The following ECI2 variants were observed in gnomAD, a reference collection of about 807,000 sequenced individuals.
ECI2 encodes the protein enoyl-CoA delta isomerase 2, also known as D3,D2-enoyl-CoA isomerase.
Under a neutral mutation model 38.4 loss-of-function variants are expected in ECI2, and 27 were observed. The ratio of observed to expected loss-of-function variants is 0.70; its 90% CI spans 0.52 to 0.97. ECI2 has a LOEUF of 0.97. ECI2 is among the 50% of genes least tolerant of loss of function. The pLI is 0.00. For missense variants in ECI2, 470 were observed against 474.4 expected, an observed-to-expected ratio of 0.99 and a Z score of 0.09; for synonymous variants, 168 against 172.0, an observed-to-expected ratio of 0.98 and a Z score of 0.18.
rs922101815 is a variant in ECI2 at position 4,130,482 on chromosome 6, C to T, written c.391G>A (p.Gly131Arg). The T allele has an allele frequency of 3.7e-6, 6 of 1,614,108 alleles. No homozygotes were observed. Among genetic ancestry groups the T allele is most frequent in the East Asian group, 2.2e-5 (1 of 44,902 alleles). Residue 131 changes from glycine to arginine, a missense_variant, in exon 4 of 10, where the codon GGA becomes AGA. By Grantham distance (125) the Gly-to-Arg change is moderately radical. Transcript: ENST00000380118. The part of the protein sequence containing the change: ...SLESSSQVEP[G>R]TDRKSTGFET... ...AACCCAGTTGATTTCCTGTCTGTTC[C>T]AGGCTCCACCTGACTAGAGGATTCC... is the stretch of plus-strand genomic sequence containing the variant.
chr6:4,116,614 G>T (rs1772296733), intron 9 of ECI2, among the ~76,000 whole-genome samples: 1 of 151,700 alleles, frequency 6.6e-6, no homozygotes, highest in Non-Finnish European at 1.5e-5. Context: ...GCTAATTTTT[G>T]TATTTTTTAA....
intron 8 of ECI2, 115 bp from the exon 9 acceptor site, chr6:4,117,566 T>TA: frequency 4.3e-6 from 6 of 1,395,148 alleles, no homozygotes; most frequent in Non-Finnish European, 5.7e-6. Context: ...AGGTTGCTGG[T>TA]ATTTCTCAGT....
intron 2 of ECI2, 126 bp downstream of exon 2, chr6:4,133,420 ACTC>A (rs1315432744): frequency 1.1e-5 from 11 of 1,016,592 alleles, no homozygotes; most frequent in Non-Finnish European, 1.6e-5. Flanking sequence ...ACACACACAC[ACTC>A]TTCAGAGAAG....
At position 4,135,539 on chromosome 6, in the gene ECI2, A is replaced by C; in HGVS notation, c.22T>G (p.Trp8Gly). ...GGACACGAACGCCGCGCCAGTCTCC[A>C]AGCCAAGTACGCCATCGCCATCCCT... Reference protein sequence around the residue: MAMAYLAWRLARRSCPSS... With the variant: MAMAYLAGRLARRSCPSS... Residue 8 changes from tryptophan (W) to glycine (G), a missense_variant, in exon 1 of 10, where the codon TGG (tryptophan) becomes GGG (glycine). Physicochemically the swap from Trp to Gly is radical, Grantham distance 184. Coordinates refer to ENST00000380118, the MANE Select transcript of ECI2 (RefSeq NM_206836.3). The C allele has an allele frequency of 1.2e-6, 2 of 1,606,668 alleles. No homozygotes were observed. The highest frequency in any genetic ancestry group is 1.7e-6 in the Non-Finnish European group (2 of 1,176,712).
chr6:4,127,981 A>G (rs532253702), intron 4 of ECI2, 150 bp from the exon 5 acceptor site: 2 of 636,160 alleles, frequency 3.1e-6, no homozygotes, highest in South Asian at 5.1e-5. Context: ...AAGGTGGACC[A>G]ACATAACTGA....
intron 7 of ECI2, among the ~76,000 whole-genome samples, chr6:4,123,848 A>G (rs1270243778): frequency 6.6e-6 from 1 of 151,906 alleles, no homozygotes; most frequent in Non-Finnish European, 1.5e-5. Context: ...ACGCACCTGT[A>G]CTACTCAGGA....
intron 3 of ECI2, 58 bp from the exon 4 acceptor site, chr6:4,130,618 A>C: frequency 6.2e-7 from 1 of 1,612,706 alleles, no homozygotes; most frequent in Admixed American, 1.7e-5. Flanking sequence ...CACTTTGAGA[A>C]AGTTACTATA....
At chr6:4,135,413 C>T in intron 1 of ECI2, 98 bp downstream of exon 1, 1 of 1,595,934 alleles carries the variant, frequency 6.3e-7, no homozygotes. Context: ...GCCACCTAGA[C>T]AATAGGGAAG....
intron 1 of ECI2, chr6:4,135,237 G>T: frequency 2.1e-6 from 2 of 969,430 alleles, no homozygotes; most frequent in Non-Finnish European, 3.1e-6. Flanking sequence ...GGGAGCGTGC[G>T]CGGAGGCAGG....
chr6:4,119,081 T>G, intron 8 of ECI2, 105 bp downstream of exon 8: 1 of 922,046 alleles, frequency 1.1e-6, no homozygotes, highest in Non-Finnish European at 1.6e-6. Context: ...TAGCTTCTCT[T>G]TTGTCCATAT....
At chr6:4,128,406 A>G (rs536486863) in intron 4 of ECI2, among the ~76,000 whole-genome samples, 1 of 152,316 alleles carries the variant, frequency 6.6e-6, no homozygotes, top group Non-Finnish European at 1.5e-5. Context: ...AATCAGCAAC[A>G]TTTCTGAAAA....
intron 7 of ECI2, chr6:4,121,963 A>G: frequency 1.9e-6 from 3 of 1,579,766 alleles, no homozygotes; most frequent in Non-Finnish European, 8.6e-7. Flanking sequence ...CTTATTCAAA[A>G]AAATGTACCC....
intron 8 of ECI2, 64 bp downstream of exon 8, chr6:4,119,122 A>G: frequency 7.5e-7 from 1 of 1,328,264 alleles, no homozygotes; most frequent in South Asian, 1.3e-5. Context: ...AGTATATGAG[A>G]TTACTCTTCC....
In ECI2 at chr6:4,125,245, C is replaced by T. The variant is rs763108114; in HGVS notation, c.795+5G>A. On this transcript the variant is annotated splice_donor_5th_base_variant and intron_variant, in intron 7 of 9. Transcript: ENST00000380118. The stretch of plus-strand genomic sequence containing the variant: ...TGACCTCTTGCTTTCTAGGAGCTGA[C>T]TTACCCTGTCAGATGCATACACGGC... 1.9e-5 allele frequency: 31 copies of T among 1,613,804 alleles called. No homozygotes were observed. Among genetic ancestry groups the T allele is most frequent in the Admixed American group, 3.3e-5 (2 of 59,996 alleles).
Position 4,129,896 on chromosome 6 carries a change from C to G in ECI2, c.501+476G>C, listed in dbSNP as rs1406532459. On this transcript the variant is annotated intron_variant, in intron 4 of 9. Coordinates refer to ENST00000380118, the MANE Select transcript of ECI2 (RefSeq NM_206836.3). The stretch of plus-strand genomic sequence containing the variant: ...TGAGAGATTCAAAGACTAACGTTAC[C>G]GAGTGAAGCAGCTACTTTAAAGCGG... 3.3e-5 allele frequency among the ~76,000 whole-genome samples: 5 copies of G among 151,816 alleles called. No individual in the cohort carries two copies. In the East Asian group the frequency reaches 9.7e-4, roughly 29 times the overall value.
intron 7 of ECI2, among the ~76,000 whole-genome samples, chr6:4,122,749 G>A (rs1772886496): frequency 6.6e-6 from 1 of 152,132 alleles, no homozygotes; most frequent in South Asian, 2.1e-4. Context: ...ACTTGCCCTG[G>A]CCTCCCAAAG....
rs754583262 is a variant in ECI2, at chr6:4,115,868, T to A, written c.*6A>T. The A allele has an allele frequency of 6.2e-7, 1 of 1,609,386 alleles. No homozygotes were observed. Among genetic ancestry groups the A allele is most frequent in the Non-Finnish European group, 8.5e-7 (1 of 1,177,850 alleles). ...TTGGACATGCTTTACTCTGCTGTAG[T>A]GGTCATCACAGTTTTGATTTTCTGG... On this transcript the variant is annotated 3_prime_UTR_variant, in exon 10 of 10. Coordinates refer to ENST00000380118, the MANE Select transcript of ECI2 (RefSeq NM_206836.3).
At chr6:4,116,399 C>CTGGTTCTTG (rs1183987035) in intron 9 of ECI2, among the ~76,000 whole-genome samples, 1 of 151,274 alleles carries the variant, frequency 6.6e-6, no homozygotes, top group East Asian at 2.0e-4. Context: ...TTCTATGATT[C>CTGGTTCTTG]TGGTTCTTGT....
Position 4,135,497 on chromosome 6 carries a change from G to T in ECI2, c.50+14C>A, listed in dbSNP as rs772390948. ...GGGCGACCATGGGCCGAACGGCCGG[G>T]ACTCCAAGCTTACCTCGGACACGAA... On this transcript the variant is annotated intron_variant, in intron 1 of 9. Coordinates refer to ENST00000380118, the MANE Select transcript of ECI2 (RefSeq NM_206836.3). 6.2e-7 allele frequency: 1 copy of T among 1,609,444 alleles called. No individual in the cohort carries two copies. The highest frequency in any genetic ancestry group is 8.5e-7 in the Non-Finnish European group (1 of 1,178,140).
Sources: allele counts gnomAD v4.1 joint callset (sites outside exome capture counted in the v4.1 genomes callset), GRCh38; gene constraint gnomAD v4.1.1; transcripts MANE v1.5; gene names NCBI Gene and HGNC (gene_info 2026-07-23, HGNC 2026-07-21).